Variants in CCDC9 observed in about 807,000 individuals in gnomAD.
CCDC9 encodes the protein coiled-coil domain containing 9, also known as coiled-coil domain-containing protein 9.
Under a neutral mutation model 65.6 loss-of-function variants are expected in CCDC9, and 52 were observed. The ratio of observed to expected loss-of-function variants is 0.79; its 90% CI spans 0.63 to 1.00. The LOEUF (loss-of-function observed/expected upper bound fraction) is 1.00, where lower values mean the gene tolerates loss of function less well. Among genes scored for constraint, CCDC9 ranks in the 50% least tolerant of loss-of-function variants. The pLI, the probability that CCDC9 is intolerant of heterozygous loss-of-function variation, is 0.00. For synonymous variants in CCDC9, 332 were observed against 280.3 expected (o/e 1.18, Z -1.84); for missense variants, 834 against 757.2 (o/e 1.10, Z -1.19).
chr19:47,272,580 C>A (rs1378403019), downstream of CCDC9, among the ~76,000 whole-genome samples: 5 of 152,028 alleles, frequency 3.3e-5, no homozygotes, highest in African/African-American at 1.2e-4. Context: ...CGAGATCGCT[C>A]CACTGTACTC....
At chr19:47,265,597 G>C (rs558577639) in intron 7 of CCDC9, among the ~76,000 whole-genome samples, 51 of 152,142 alleles carry the variant, frequency 3.4e-4, no homozygotes, top group African/African-American at 7.9e-4. Context: ...TTACAGCTTT[G>C]TGGTATGTTT....
Position 47,264,674 on chromosome 19 carries a change from G to A in CCDC9, c.534G>A (p.Glu178=). ...NEEMEKIAEY[E]RNQREGVLEP... Reference sequence around the variant, plus strand: ...AGATGGAGAAGATCGCCGAGTATGAGCGCAACCAGCGGGTCAGTGGTGCGG... The same window carrying A: ...AGATGGAGAAGATCGCCGAGTATGAACGCAACCAGCGGGTCAGTGGTGCGG... The change falls in exon 6 of 12, where the codon GAG becomes GAA. Residue 178 remains glutamate (E), a synonymous_variant. Coordinates refer to ENST00000221922, the MANE Select transcript of CCDC9 (RefSeq NM_015603.3). 1 of 1,604,958 alleles carries A rather than the reference G, an allele frequency of 6.2e-7. No individual in the cohort carries two copies. The highest frequency in any genetic ancestry group is 1.1e-5 in the South Asian group (1 of 89,538).
In CCDC9 at chr19:47,270,400, C is replaced by T. The variant is rs569465656; in HGVS notation, c.903-7C>T. 6.8e-6 allele frequency: 11 copies of T among 1,613,926 alleles called. No homozygotes were observed. Among genetic ancestry groups the T allele is most frequent in the South Asian group, 2.2e-5 (2 of 91,068 alleles). On this transcript the variant is annotated splice_polypyrimidine_tract_variant and splice_region_variant and intron_variant, in intron 8 of 11. Coordinates refer to ENST00000221922, the MANE Select transcript of CCDC9 (RefSeq NM_015603.3). ...AGCTGCCCGCTCACCCGTTATCTTT[C>T]CCCCAGGTTCAAGGATGGCCCAGTC...
At chr19:47,268,733 C>T (rs1449935200) in intron 8 of CCDC9, among the ~76,000 whole-genome samples, 2 of 151,558 alleles carry the variant, frequency 1.3e-5, no homozygotes, top group East Asian at 1.9e-4. Flanking sequence ...CTGGCTAACA[C>T]GGTGAAACCC....
intron 5 of CCDC9, among the ~76,000 whole-genome samples, chr19:47,263,690 C>A (rs1600281716): frequency 6.6e-6 from 1 of 152,024 alleles, no homozygotes; most frequent in Admixed American, 6.6e-5. Context: ...CTCAGCCTCC[C>A]AAGTAGCTGG....
Position 47,264,599 on chromosome 19 carries a change from C to G in CCDC9, c.463-4C>G. On this transcript the variant is annotated splice_polypyrimidine_tract_variant and splice_region_variant and intron_variant, in intron 5 of 11. Coordinates refer to ENST00000221922, the MANE Select transcript of CCDC9 (RefSeq NM_015603.3). ...GCTGGGTGTCCCTATCTTTATCCCC[C>G]CAGGAGTGGGAGGAGCGGCGCAGGC... The G allele has an allele frequency of 3.1e-6, 5 of 1,591,034 alleles. No homozygotes were observed. The highest frequency in any genetic ancestry group is 1.8e-5 in the Admixed American group (1 of 56,492).
downstream of CCDC9, chr19:47,272,103 T>A (rs2059127885): frequency 3.2e-6 from 4 of 1,235,164 alleles, no homozygotes; most frequent in East Asian, 3.1e-5. Flanking sequence ...TCCCGGAGAG[T>A]GGGCCCAGCC....
intron 3 of CCDC9, 43 bp from the exon 4 acceptor site, chr19:47,260,278 A>G (rs1173621247): frequency 1.2e-5 from 17 of 1,418,534 alleles, no homozygotes; most frequent in Non-Finnish European, 1.7e-5. Context: ...CGTCTGGCAG[A>G]CAGGGCACCT....
chr19:47,265,244 G>A (rs560658759), intron 7 of CCDC9, among the ~76,000 whole-genome samples: 2 of 152,180 alleles, frequency 1.3e-5, no homozygotes, highest in African/African-American at 4.8e-5. Context: ...TTGTAGAGAC[G>A]GGGTTTCACC....
chr19:47,264,781 T>C lies in CCDC9; in HGVS notation c.555T>C (p.Val185=), dbSNP rs757675273. ...TGCTCTGCTGCCTGCAGGAAGGGGT[T>C]CTTGAACCCAACCCAGTGCGGAACT... ...AEYERNQREG[V]LEPNPVRNFL... is the part of the protein sequence containing the mutation. The change falls in exon 7 of 12, where the codon GTT becomes GTC. Residue 185 remains valine (V), a synonymous_variant. Transcript: ENST00000221922. 1.3e-5 allele frequency: 21 copies of C among 1,603,298 alleles called. No homozygotes were observed. Among genetic ancestry groups the C allele is most frequent in the Middle Eastern group, 1.7e-4 (1 of 6,032 alleles).
chr19:47,263,786 G>A (rs986085950), intron 5 of CCDC9, among the ~76,000 whole-genome samples: 5 of 151,556 alleles, frequency 3.3e-5, no homozygotes, highest in African/African-American at 1.2e-4. Context: ...GGCTGGTCTC[G>A]AACTCCTGAC....
downstream of CCDC9, chr19:47,274,612 C>T (rs187001092): frequency 3.6e-5 from 7 of 194,014 alleles, no homozygotes; most frequent in Non-Finnish European, 5.6e-5. Context: ...GGATGAAGTC[C>T]GAGTCTGGGA....
At chr19:47,274,908 T>TGGGCTGCG (rs1463340257), downstream of CCDC9, 564 of 1,218,694 alleles carry the variant, frequency 4.6e-4, 11 homozygotes, top group East Asian at 0.019. Flanking sequence ...CGGAGCCGAG[T>TGGGCTGCG]GGGCTGCGGG....
Position 47,271,076 on chromosome 19 carries a change from C to G in CCDC9, c.1086-6C>G. 1 of 1,542,740 alleles carries G rather than the reference C, an allele frequency of 6.5e-7. No individual in the cohort carries two copies. Among genetic ancestry groups the G allele is most frequent in the South Asian group, 1.2e-5 (1 of 83,010 alleles). Reference sequence around the variant, plus strand: ...CAGGCATCACCCCTCCCTCTGTTCCCTCTAGTGACCATGATGACCGCTGGG... The same window carrying G: ...CAGGCATCACCCCTCCCTCTGTTCCGTCTAGTGACCATGATGACCGCTGGG... On this transcript the variant is annotated splice_polypyrimidine_tract_variant and splice_region_variant and intron_variant, in intron 10 of 11. Transcript: ENST00000221922.
At chr19:47,258,008 G>A in intron 1 of CCDC9, 4 of 271,680 alleles carry the variant, frequency 1.5e-5, no homozygotes, top group Admixed American at 5.0e-5. Context: ...CACAGGGTGT[G>A]GCGGCTGGCC....
At chr19:47,274,883 G>A (rs1217121965), downstream of CCDC9, 10 of 1,245,196 alleles carry the variant, frequency 8.0e-6, no homozygotes, top group Non-Finnish European at 1.0e-5. Flanking sequence ...GGCGGGGCCT[G>A]TGCGGTCTGC....
intron 8 of CCDC9, among the ~76,000 whole-genome samples, chr19:47,268,697 C>T (rs2059097473): frequency 2.6e-5 from 4 of 151,610 alleles, no homozygotes; most frequent in Admixed American, 1.3e-4. Flanking sequence ...GCAGGTGGAT[C>T]ACGAGGTCAG....
At chr19:47,269,902 A>C (rs901628464) in intron 8 of CCDC9, among the ~76,000 whole-genome samples, 1 of 151,652 alleles carries the variant, frequency 6.6e-6, no homozygotes, top group East Asian at 1.9e-4. Flanking sequence ...TGGCGCCCAC[A>C]TTCTGAATCT....
chr19:47,268,376 C>T (rs888521411), intron 8 of CCDC9, among the ~76,000 whole-genome samples: 1 of 152,224 alleles, frequency 6.6e-6, no homozygotes. Flanking sequence ...TTTCATTCAC[C>T]TATAACTTGT....
Sources: gnomAD v4.1 joint callset for allele counts (sites outside exome capture counted in the v4.1 genomes callset) on GRCh38, gnomAD v4.1.1 for gene constraint, MANE v1.5 for transcripts, NCBI Gene and HGNC (gene_info 2026-07-23, HGNC 2026-07-21) for gene names.